LPCAT1: variants seen among roughly 807,000 people sequenced by gnomAD.
The protein encoded by LPCAT1 is 1-acylglycerol-3-phosphate O-acyltransferase.
A neutral mutation model predicts 60.9 loss-of-function variants in LPCAT1; 23 were observed. That is an observed-to-expected ratio of 0.38 (90% confidence interval 0.27 to 0.53). LPCAT1 has a LOEUF of 0.53. Ranked by LOEUF, LPCAT1 falls within the 20% of genes least tolerant of loss-of-function variation. The probability of loss-of-function intolerance (pLI) is 0.82; values close to 1 mark genes in which losing one functional copy is unlikely to be tolerated. For synonymous variants in LPCAT1, 340 were observed against 301.1 expected (o/e 1.13, Z -1.34); for missense variants, 622 against 723.6 (o/e 0.86, Z 1.61).
Position 1,477,493 on chromosome 5 carries a change from A to C in LPCAT1, c.817-7T>G. ...GGCTGTACACAGGAAGGAACTGAGC[A>C]CACAGAGAAGCTGCGTTAGTATCAC... On this transcript the variant is annotated splice_region_variant and splice_polypyrimidine_tract_variant and intron_variant, in intron 8 of 13. Coordinates refer to ENST00000283415, the MANE Select transcript of LPCAT1 (RefSeq NM_024830.5). The surrounding 1 kb of genome is among the most constrained non-coding windows in gnomAD (Gnocchi z 6.0). 6.2e-7 allele frequency: 1 copy of C among 1,608,756 alleles called. No individual in the cohort carries two copies. The highest frequency in any genetic ancestry group is 1.1e-5 in the South Asian group (1 of 90,892).
At chr5:1,488,129 C>A (rs1735440569) in intron 5 of LPCAT1, among the ~76,000 whole-genome samples, 1 of 152,216 alleles carries the variant, frequency 6.6e-6, no homozygotes, top group African/African-American at 2.4e-5. Context: ...GCCTGGACCT[C>A]AAAACAGAGG....
intron 1 of LPCAT1, among the ~76,000 whole-genome samples, chr5:1,515,773 C>T (rs896444989): frequency 5.3e-5 from 8 of 152,158 alleles, no homozygotes; most frequent in East Asian, 1.9e-4. Context: ...CCCACTCCCC[C>T]GAGCTGCAGG....
In LPCAT1 at chr5:1,523,628, C is replaced by T; in HGVS notation, c.135+82G>A. ...GCCGCGCCCCAGGCCCCCTCCCCGG[C>T]CCCTCCTCGGCCGCGCCTCCCTGGC... is the stretch of plus-strand genomic sequence containing the variant. On this transcript the variant is annotated intron_variant, in intron 1 of 13. Coordinates refer to ENST00000283415, the MANE Select transcript of LPCAT1 (RefSeq NM_024830.5). This position sits in a 1 kb window ranked among gnomAD's most constrained non-coding sequence, Gnocchi z 7.1. The T allele has an allele frequency of 1.0e-6, 1 of 966,330 alleles. No homozygotes were observed. The highest frequency in any genetic ancestry group is 1.2e-6 in the Non-Finnish European group (1 of 802,688). The allele number at this position is 966,330 out of a possible 1,614,324, so 59.9% of individuals were successfully genotyped here. A position where few individuals can be genotyped will look rare whatever the true frequency, so the allele number is the denominator to read the frequency against.
intron 13 of LPCAT1, among the ~76,000 whole-genome samples, chr5:1,465,065 G>T (rs568418000): frequency 2.4e-5 from 3 of 125,150 alleles, no homozygotes; most frequent in Non-Finnish European, 3.4e-5. Flanking sequence ...ACAAGTGCAC[G>T]CACACACACG....
chr5:1,523,231 G>A lies in LPCAT1; in HGVS notation c.135+479C>T, dbSNP rs1736727613. ...AGCCGCGGTGCCCTCCCGCCCGCGG[G>A]CCGCGTCCAGGCAAAGCCGCTCCGG... On this transcript the variant is annotated intron_variant, in intron 1 of 13. Transcript: ENST00000283415. The surrounding 1 kb of genome is among the most constrained non-coding windows in gnomAD (Gnocchi z 7.1). 6.6e-6 allele frequency among the ~76,000 whole-genome samples: 1 copy of A among 152,032 alleles called. No individual in the cohort carries two copies. The highest frequency in any genetic ancestry group is 2.4e-5 in the African/African-American group (1 of 41,414).
In LPCAT1 at chr5:1,489,982, G is replaced by A. The variant is rs1164204125; in HGVS notation, c.494-124C>T. 7 of 714,710 alleles carry A rather than the reference G, an allele frequency of 9.8e-6. No individual in the cohort carries two copies. In the East Asian group the frequency reaches 1.5e-4, roughly 15 times the overall value. 44.3% of individuals were successfully genotyped at this position (714,710 alleles called of 1,614,324 possible). A position where few individuals can be genotyped will look rare whatever the true frequency, so the allele number is the denominator to read the frequency against. On this transcript the variant is annotated intron_variant, in intron 3 of 13. Transcript: ENST00000283415. ...GGAGACTCCAGATGCCCCAGGGGCT[G>A]TGCCATGGGTGGGCTGTGAGTCCCT... is the stretch of plus-strand genomic sequence containing the variant.
chr5:1,509,031 C>T lies in LPCAT1; in HGVS notation c.136-7428G>A, dbSNP rs146598923. Among the ~76,000 whole-genome samples, 381 of 152,382 alleles carry T rather than the reference C, an allele frequency of 2.5e-3. 1 individual carries two copies. Among genetic ancestry groups the T allele is most frequent in the African/African-American group, 8.8e-3 (364 of 41,598 alleles). On this transcript the variant is annotated intron_variant, in intron 1 of 13. Coordinates refer to ENST00000283415, the MANE Select transcript of LPCAT1 (RefSeq NM_024830.5). ...GTGCTGCGGTGAGGCCCACCAGGCGCAGGGATGCTGCGGCCCCTCCGAGCC... is the reference window on the plus strand; with the variant it reads ...GTGCTGCGGTGAGGCCCACCAGGCGTAGGGATGCTGCGGCCCCTCCGAGCC...
intron 4 of LPCAT1, 45 bp downstream of exon 4, chr5:1,489,701 T>G: frequency 2.1e-6 from 3 of 1,407,122 alleles, no homozygotes; most frequent in Middle Eastern, 3.5e-4. Flanking sequence ...GTTCGCATCT[T>G]TCGGAATAAA....
At chr5:1,465,886 C>T (rs939606196) in intron 13 of LPCAT1, among the ~76,000 whole-genome samples, 62 of 144,740 alleles carry the variant, frequency 4.3e-4, no homozygotes, top group Admixed American at 1.6e-3. Context: ...CGCACACAGG[C>T]GCACACGCAC....
At chr5:1,489,703 C>T (rs528302119) in intron 4 of LPCAT1, 43 bp downstream of exon 4, 183 of 1,412,794 alleles carry the variant, frequency 1.3e-4, no homozygotes, top group Middle Eastern at 1.8e-4. Flanking sequence ...TCGCATCTTT[C>T]GGAATAAAAC....
intron 12 of LPCAT1, among the ~76,000 whole-genome samples, chr5:1,468,820 G>A (rs1430191794): frequency 6.6e-6 from 1 of 152,220 alleles, no homozygotes; most frequent in Admixed American, 6.5e-5. Flanking sequence ...TCAGCCTGGG[G>A]GGCAGCTTCC....
chr5:1,498,599 T>TGTGGACACCTGTACACACGTACAC, intron 2 of LPCAT1, among the ~76,000 whole-genome samples: 1 of 152,232 alleles, frequency 6.6e-6, no homozygotes, highest in South Asian at 2.1e-4. Flanking sequence ...ATCATACATA[T>TGTGGACACCTGTACACACGTACAC]GTGGACACCT....
chr5:1,486,095 G>A (rs890142197), intron 5 of LPCAT1, among the ~76,000 whole-genome samples: 8 of 152,158 alleles, frequency 5.3e-5, no homozygotes, highest in African/African-American at 1.9e-4. Flanking sequence ...CCAGTCAGCC[G>A]ATCCTGCTCT....
intron 2 of LPCAT1, among the ~76,000 whole-genome samples, chr5:1,500,674 G>A (rs1215444860): frequency 1.3e-5 from 2 of 152,240 alleles, no homozygotes; most frequent in Admixed American, 6.5e-5. Context: ...CCCACTGGCC[G>A]GAGCTTCTGC....
chr5:1,490,261 C>T (rs890348927), intron 3 of LPCAT1, among the ~76,000 whole-genome samples: 1 of 152,214 alleles, frequency 6.6e-6, no homozygotes, highest in African/African-American at 2.4e-5. Flanking sequence ...GAACTGCATC[C>T]CCTAAAAGAC....
intron 5 of LPCAT1, among the ~76,000 whole-genome samples, chr5:1,486,744 G>T (rs749175478): frequency 3.3e-5 from 5 of 152,196 alleles, no homozygotes; most frequent in Non-Finnish European, 5.9e-5. Flanking sequence ...CAGCTAAGAC[G>T]CATGAGGGCC....
rs1302537993 is a variant in LPCAT1 at position 1,522,814 on chromosome 5, T to C, written c.135+896A>G. On this transcript the variant is annotated intron_variant, in intron 1 of 13. Transcript: ENST00000283415. The surrounding 1 kb of genome is among the most constrained non-coding windows in gnomAD (Gnocchi z 6.8). ...TTCTAGAGTCAAAAGTAAGGTCCTC[T>C]TGAGAGTGGATCTCAGGTAACTGTA... Among the ~76,000 whole-genome samples, 4 of 152,182 alleles carry C rather than the reference T, an allele frequency of 2.6e-5. No homozygotes were observed. Among genetic ancestry groups the C allele is most frequent in the Non-Finnish European group, 4.4e-5 (3 of 68,026 alleles).
At chr5:1,501,419 G>T in intron 2 of LPCAT1, 42 bp downstream of exon 2, 1 of 1,567,878 alleles carries the variant, frequency 6.4e-7, no homozygotes. Context: ...TTGGCCGCGT[G>T]ACCCCCCCCC....
At chr5:1,504,273 A>G (rs1217850592) in intron 1 of LPCAT1, among the ~76,000 whole-genome samples, 2 of 152,162 alleles carry the variant, frequency 1.3e-5, no homozygotes, top group Non-Finnish European at 2.9e-5. Flanking sequence ...ATTCCCATCT[A>G]CTGTTACTGT....
Sources: gnomAD v4.1 joint callset for allele counts (sites outside exome capture counted in the v4.1 genomes callset) on GRCh38, gnomAD v4.1.1 for gene constraint, Gnocchi (gnomAD v3.1) non-coding constraint, MANE v1.5 for transcripts, NCBI Gene and HGNC (gene_info 2026-07-23, HGNC 2026-07-21) for gene names.